The following NHSL3 variants were observed in gnomAD, a reference collection of about 807,000 sequenced individuals.
The protein encoded by NHSL3 is NHS like 3.
At chr1:32,773,951 G>A in the NHSL3 span, 1 of 152,728 alleles carries the variant, frequency 6.5e-6, no homozygotes, top group Non-Finnish European at 1.5e-5. Flanking sequence ...GAGTGACAAG[G>A]ATGGGAAGCC....
At chr1:32,771,635 C>T in the NHSL3 span, 1 of 1,613,078 alleles carries the variant, frequency 6.2e-7, no homozygotes. Flanking sequence ...GCTGCTTCGT[C>T]CTCCTCAGCT....
chr1:32,770,824 C>T, the NHSL3 span: 1 of 1,603,360 alleles, frequency 6.2e-7, no homozygotes, highest in Non-Finnish European at 8.5e-7. This position sits in a 1 kb window ranked among gnomAD's most constrained non-coding sequence, Gnocchi z 8.3. Context: ...GGGGGCAGCA[C>T]CCTGTCCACC....
the NHSL3 span, among the ~76,000 whole-genome samples, chr1:32,761,361 G>C: frequency 6.6e-6 from 1 of 152,152 alleles, no homozygotes; most frequent in Non-Finnish European, 1.5e-5. Flanking sequence ...GGGTGGGGAG[G>C]GGGAGGGGTG....
the NHSL3 span, chr1:32,770,072 G>T: frequency 6.4e-7 from 1 of 1,560,744 alleles, no homozygotes; most frequent in Non-Finnish European, 8.7e-7. This position sits in a 1 kb window ranked among gnomAD's most constrained non-coding sequence, Gnocchi z 8.3. Flanking sequence ...CACATTGACC[G>T]TGTCTACCGG....
At chr1:32,772,016 G>A in the NHSL3 span, 2 of 1,602,488 alleles carry the variant, frequency 1.2e-6, no homozygotes, top group South Asian at 1.1e-5. Flanking sequence ...GCCAGTGAAG[G>A]CCTCTCAAGT....
At chr1:32,761,702 C>A in the NHSL3 span, among the ~76,000 whole-genome samples, 1 of 152,168 alleles carries the variant, frequency 6.6e-6, no homozygotes. Flanking sequence ...AGGACAGAGA[C>A]TACGTTTTGC....
At chr1:32,774,870 G>T in the NHSL3 span, 1 of 152,400 alleles carries the variant, frequency 6.6e-6, no homozygotes, top group Non-Finnish European at 1.5e-5. Flanking sequence ...TTGAGTCTTT[G>T]ATATGTCTAA....
the NHSL3 span, among the ~76,000 whole-genome samples, chr1:32,748,139 C>T: frequency 1.3e-5 from 2 of 151,574 alleles, no homozygotes; most frequent in East Asian, 3.9e-4. Context: ...ATTAGCCAGG[C>T]GTAGTGGCAG....
chr1:32,749,240 C>T, the NHSL3 span, among the ~76,000 whole-genome samples: 11 of 152,222 alleles, frequency 7.2e-5, no homozygotes, highest in African/African-American at 2.2e-4. Context: ...AGGCAAAGCA[C>T]GTGCTAGGGA....
chr1:32,756,925 C>T, the NHSL3 span, among the ~76,000 whole-genome samples: 1 of 151,502 alleles, frequency 6.6e-6, no homozygotes, highest in Non-Finnish European at 1.5e-5. Flanking sequence ...GCCGAGATTG[C>T]GCCACTGCAC....
the NHSL3 span, among the ~76,000 whole-genome samples, chr1:32,763,725 C>G: frequency 0.023 from 3,504 of 152,210 alleles, 132 homozygotes; most frequent in African/African-American, 0.079. Flanking sequence ...GTGTGTACCA[C>G]CACGCCCGGC....
chr1:32,745,705 T>C, the NHSL3 span, among the ~76,000 whole-genome samples: 3 of 152,184 alleles, frequency 2.0e-5, no homozygotes, highest in African/African-American at 7.2e-5. Flanking sequence ...TATAGGGGCC[T>C]TTCCAGGATC....
the NHSL3 span, among the ~76,000 whole-genome samples, chr1:32,746,739 C>T: frequency 1.3e-5 from 2 of 152,156 alleles, no homozygotes; most frequent in Non-Finnish European, 2.9e-5. Context: ...CACAGCATCA[C>T]AATGACGGAG....
At chr1:32,764,412 G>A in the NHSL3 span, among the ~76,000 whole-genome samples, 1 of 152,056 alleles carries the variant, frequency 6.6e-6, no homozygotes, top group Non-Finnish European at 1.5e-5. Context: ...ATAGTCCCTA[G>A]TACTAGGTTA....
At chr1:32,750,784 G>C in the NHSL3 span, among the ~76,000 whole-genome samples, 2 of 151,290 alleles carry the variant, frequency 1.3e-5, no homozygotes, top group Non-Finnish European at 2.9e-5. Flanking sequence ...GGGATTACAG[G>C]CATGAGCCAC....
chr1:32,770,677 C>G, the NHSL3 span: 40 of 1,526,950 alleles, frequency 2.6e-5, no homozygotes, highest in Non-Finnish European at 3.0e-5. This position sits in a 1 kb window ranked among gnomAD's most constrained non-coding sequence, Gnocchi z 8.3. Flanking sequence ...GCCTCCACCC[C>G]CTCCCCGCCG....
the NHSL3 span, among the ~76,000 whole-genome samples, chr1:32,755,395 C>A: frequency 2.6e-5 from 4 of 152,168 alleles, no homozygotes; most frequent in African/African-American, 9.7e-5. Context: ...CCTAGAGATT[C>A]CGAACCGGAG....
the NHSL3 span, chr1:32,772,772 G>A: frequency 8.1e-7 from 1 of 1,239,510 alleles, no homozygotes; most frequent in Middle Eastern, 1.9e-4. Flanking sequence ...AAAGCGGTAA[G>A]AAGGTTGGGT....
chr1:32,745,686 T>A, the NHSL3 span, among the ~76,000 whole-genome samples: 1 of 151,930 alleles, frequency 6.6e-6, no homozygotes, highest in African/African-American at 2.4e-5. Flanking sequence ...GGATAATAAA[T>A]CCTAGCTTTA....
Sources: allele counts gnomAD v4.1 joint callset (sites outside exome capture counted in the v4.1 genomes callset), GRCh38; gene constraint gnomAD v4.1.1; non-coding constraint Gnocchi (gnomAD v3.1); transcripts MANE v1.5; gene names NCBI Gene and HGNC (gene_info 2026-07-23, HGNC 2026-07-21).